The following MACROD2 variants were observed in gnomAD, a reference collection of about 807,000 sequenced individuals.
The protein encoded by MACROD2 is mono-ADP ribosylhydrolase 2, also known as ADP-ribose glycohydrolase MACROD2.
A neutral mutation model predicts 70.4 loss-of-function variants in MACROD2; 36 were observed. That is an observed-to-expected ratio of 0.51 (90% CI 0.39 to 0.68). The LOEUF (loss-of-function observed/expected upper bound fraction) is 0.68, where lower values mean the gene tolerates loss of function less well. Ranked by LOEUF, MACROD2 falls within the 30% of genes least tolerant of loss-of-function variation. MACROD2 has a pLI of 0.00. For synonymous variants in MACROD2, 172 were observed against 178.8 expected, an observed-to-expected ratio of 0.96 and a Z score of 0.30; for missense variants, 496 against 538.4, an observed-to-expected ratio of 0.92 and a Z score of 0.78.
At chr20:14,446,803 A>C (rs1004515486) in intron 3 of MACROD2, among the ~76,000 whole-genome samples, 1 of 152,094 alleles carries the variant, frequency 6.6e-6, no homozygotes, top group African/African-American at 2.4e-5. Flanking sequence ...TTAAAATTAA[A>C]TCTGTTGCCA....
intron 10 of MACROD2, among the ~76,000 whole-genome samples, chr20:15,891,079 C>T (rs981075095): frequency 6.6e-6 from 1 of 152,096 alleles, no homozygotes; most frequent in Non-Finnish European, 1.5e-5. Context: ...ATTTCACATA[C>T]AAGTGATGTG....
intron 2 of MACROD2, among the ~76,000 whole-genome samples, chr20:14,033,962 T>TTTTA (rs71190108): frequency 0.049 from 7,402 of 150,132 alleles, 591 homozygotes; most frequent in African/African-American, 0.16. Context: ...CCTATTTTTA[T>TTTTA]TTTATTTATT....
At chr20:14,164,052 T>C (rs2055229491) in intron 3 of MACROD2, among the ~76,000 whole-genome samples, 1 of 152,172 alleles carries the variant, frequency 6.6e-6, no homozygotes, top group South Asian at 2.1e-4. Context: ...TCTCTGCACA[T>C]CTTGTGTAAC....
chr20:14,074,744 T>C (rs926823891), intron 2 of MACROD2, among the ~76,000 whole-genome samples: 4 of 152,224 alleles, frequency 2.6e-5, no homozygotes, highest in African/African-American at 9.6e-5. Context: ...AAGGTTCTGC[T>C]GACTACAGTA....
chr20:15,654,412 G>T (rs6034247), intron 8 of MACROD2, among the ~76,000 whole-genome samples: 5,309 of 152,304 alleles, frequency 0.035, 209 homozygotes, highest in East Asian at 0.19. Context: ...GCCCAGAGGA[G>T]ATGGGAGTTC....
At chr20:15,707,646 G>T (rs1210481503) in intron 8 of MACROD2, among the ~76,000 whole-genome samples, 1 of 152,028 alleles carries the variant, frequency 6.6e-6, no homozygotes, top group Non-Finnish European at 1.5e-5. Context: ...AGCTGAGCGT[G>T]GTGGCGGGTG....
chr20:14,298,653 AT>A lies in MACROD2; in HGVS notation c.272-194824del, dbSNP rs1474517226. ...CCTCTGATGGATCTGAGCAAAGTCA[AT>A]TGAAAACTTTGTAGAGAAAGGAGTC... On this transcript the variant is annotated intron_variant, in intron 3 of 17. Coordinates refer to ENST00000684519, the MANE Select transcript of MACROD2 (RefSeq NM_001351661.2). 1.3e-5 allele frequency among the ~76,000 whole-genome samples: 2 copies of A among 151,812 alleles called. 1 individual carries two copies. The highest frequency in any genetic ancestry group is 2.9e-5 in the Non-Finnish European group (2 of 67,974).
chr20:15,219,956 G>GA (rs11482499), intron 5 of MACROD2, among the ~76,000 whole-genome samples: 37,455 of 106,464 alleles, frequency 0.35, 6,113 homozygotes, highest in African/African-American at 0.44. Flanking sequence ...ATCATCTCCT[G>GA]AAAAAAAAAA....
Position 14,366,407 on chromosome 20 carries a change from C to T in MACROD2, c.272-127072C>T, listed in dbSNP as rs183331318. ...TTTTTGAGACTGAGTCTCACTCTGT[C>T]GCCAGGCTGGAGGCAGTGGCGCAAT... On this transcript the variant is annotated intron_variant, in intron 3 of 17. Transcript: ENST00000684519. Among the ~76,000 whole-genome samples, 47 of 136,414 alleles carry T rather than the reference C, an allele frequency of 3.4e-4. 1 individual carries two copies. In the East Asian group the frequency reaches 8.5e-3, roughly 25 times the overall value. 89.5% of individuals were successfully genotyped at this position (136,414 alleles called of 152,430 possible). A position where few individuals can be genotyped will look rare whatever the true frequency, so the allele number is the denominator to read the frequency against.
intron 3 of MACROD2, among the ~76,000 whole-genome samples, chr20:14,461,954 G>A (rs1450769696): frequency 6.6e-6 from 1 of 152,026 alleles, no homozygotes. Flanking sequence ...ACATACGTGT[G>A]CATGTGTCTT....
intron 15 of MACROD2, among the ~76,000 whole-genome samples, chr20:16,036,338 T>C (rs1163617031): frequency 6.6e-6 from 1 of 151,970 alleles, no homozygotes; most frequent in Non-Finnish European, 1.5e-5. Flanking sequence ...AACTACATTC[T>C]GTGTGCATCT....
In MACROD2 at chr20:14,853,187, G is replaced by A. The variant is rs1213567726; in HGVS notation, c.418+168228G>A. 5.9e-5 allele frequency among the ~76,000 whole-genome samples: 9 copies of A among 151,746 alleles called. No individual in the cohort carries two copies. In the East Asian group the frequency reaches 1.7e-3, roughly 29 times the overall value. On this transcript the variant is annotated intron_variant, in intron 5 of 17. Transcript: ENST00000684519. ...TGTGTGTGTGTCTGTGTGTGTGTGT[G>A]TGTGTGTGTGTGTATAAATGGGGAT...
chr20:14,591,652 A>T (rs546918445), intron 4 of MACROD2, among the ~76,000 whole-genome samples: 2 of 152,350 alleles, frequency 1.3e-5, no homozygotes, highest in South Asian at 4.1e-4. Flanking sequence ...GAAAATGTAC[A>T]GCCTCATAAA....
chr20:15,433,459 C>CAAAAAAAAAAAAAAAAA (rs60298297), intron 7 of MACROD2, among the ~76,000 whole-genome samples: 5 of 88,278 alleles, frequency 5.7e-5, no homozygotes, highest in Non-Finnish European at 1.0e-4. Flanking sequence ...ACAAGAGCTG[C>CAAAAAAAAAAAAAAAAA]AAAAAAAAAA....
At chr20:14,373,465 G>A (rs985431755) in intron 3 of MACROD2, among the ~76,000 whole-genome samples, 1 of 151,906 alleles carries the variant, frequency 6.6e-6, no homozygotes, top group Admixed American at 6.6e-5. Flanking sequence ...TGAATTGGTT[G>A]GGAGACTATT....
At chr20:14,098,964 T>C (rs1320564814) in intron 3 of MACROD2, among the ~76,000 whole-genome samples, 1 of 152,126 alleles carries the variant, frequency 6.6e-6, no homozygotes, top group Non-Finnish European at 1.5e-5. Flanking sequence ...CTGTCACACC[T>C]GTGTAATAGA....
chr20:15,587,251 A>T (rs528728938), intron 8 of MACROD2, among the ~76,000 whole-genome samples: 1 of 152,062 alleles, frequency 6.6e-6, no homozygotes, highest in South Asian at 2.1e-4. Context: ...TGTGAGACTT[A>T]CTCCCTATCA....
chr20:14,488,802 T>C (rs2084762804), intron 3 of MACROD2, among the ~76,000 whole-genome samples: 1 of 152,214 alleles, frequency 6.6e-6, no homozygotes, highest in Admixed American at 6.5e-5. Flanking sequence ...TTTGTTTATT[T>C]GTTTAGCTTT....
intron 10 of MACROD2, among the ~76,000 whole-genome samples, chr20:15,925,206 G>A (rs2065470847): frequency 6.6e-6 from 1 of 152,196 alleles, no homozygotes; most frequent in Admixed American, 6.5e-5. Context: ...GTTGTACCAT[G>A]AAGTCATTGG....
Sources: gnomAD v4.1 joint callset for allele counts (sites outside exome capture counted in the v4.1 genomes callset) on GRCh38, gnomAD v4.1.1 for gene constraint, MANE v1.5 for transcripts, NCBI Gene and HGNC (gene_info 2026-07-23, HGNC 2026-07-21) for gene names.